MEGF10: variants seen among roughly 807,000 people sequenced by gnomAD.
The protein encoded by MEGF10 is multiple EGF like domains 10.
In MEGF10, 86 loss-of-function variants were observed where a neutral mutation model predicts 147.5. The ratio of observed to expected loss-of-function variants is 0.58; its 90% CI spans 0.49 to 0.70. The LOEUF is 0.70. MEGF10 is among the 30% of genes least tolerant of loss of function. MEGF10 has a pLI of 0.00. For missense variants in MEGF10, 1,329 were observed against 1,487.3 expected (o/e 0.89, Z 1.75); for synonymous variants, 478 against 525.5 (o/e 0.91, Z 1.24).
chr5:127,342,365 T>A (rs1561582065), intron 4 of MEGF10, among the ~76,000 whole-genome samples: 1 of 152,158 alleles, frequency 6.6e-6, no homozygotes, highest in Admixed American at 6.6e-5. Flanking sequence ...TACTTCTGTC[T>A]CCCAGCACAC....
intron 5 of MEGF10, among the ~76,000 whole-genome samples, chr5:127,388,789 C>G (rs1397742110): frequency 6.6e-6 from 1 of 152,262 alleles, no homozygotes; most frequent in East Asian, 1.9e-4. Context: ...TCGTGATCCA[C>G]CCGCCTCAGC....
At chr5:127,444,857 T>A (rs1316894603) in intron 19 of MEGF10, 1 of 152,908 alleles carries the variant, frequency 6.5e-6, no homozygotes, top group Non-Finnish European at 1.5e-5. Context: ...GGTGTTATGC[T>A]TGCTTGGAAG....
the MEGF10 span, among the ~76,000 whole-genome samples, chr5:127,272,457 C>T: frequency 1.3e-5 from 2 of 152,116 alleles, no homozygotes; most frequent in Non-Finnish European, 2.9e-5. Flanking sequence ...TTTTCCAATT[C>T]TGTGAAGAAT....
the MEGF10 span, among the ~76,000 whole-genome samples, chr5:127,276,586 A>G: frequency 6.6e-6 from 1 of 152,224 alleles, no homozygotes; most frequent in South Asian, 2.1e-4. Flanking sequence ...TTTCCTACTT[A>G]GGAAAGATAA....
intron 2 of MEGF10, among the ~76,000 whole-genome samples, chr5:127,331,674 C>A (rs779961777): frequency 2.6e-5 from 4 of 152,070 alleles, no homozygotes; most frequent in Non-Finnish European, 1.5e-5. Flanking sequence ...TCAGGGAAGA[C>A]ATTAATAGCA....
rs553578500 is a variant in MEGF10 at position 127,447,457 on chromosome 5, G to T, written c.2729-100G>T. The T allele has an allele frequency of 3.9e-6, 6 of 1,527,888 alleles. No homozygotes were observed. The East Asian group carries it at 1.4e-4, about 35-fold the overall frequency. 94.6% of individuals were successfully genotyped at this position (1,527,888 alleles called of 1,614,324 possible). On this transcript the variant is annotated intron_variant, in intron 20 of 24. Coordinates refer to ENST00000503335, the MANE Select transcript of MEGF10 (RefSeq NM_001256545.2). Reference sequence around the variant, plus strand: ...CTCCCAAAGTGCTGGGATTACAGGCGTGAGCCACCTCGCTGGGCCTGTTTT... The same window carrying T: ...CTCCCAAAGTGCTGGGATTACAGGCTTGAGCCACCTCGCTGGGCCTGTTTT...
chr5:127,344,699 C>T (rs1382382741), intron 4 of MEGF10, among the ~76,000 whole-genome samples: 3 of 151,854 alleles, frequency 2.0e-5, no homozygotes, highest in African/African-American at 7.3e-5. Flanking sequence ...TGTTCAATTC[C>T]ATCTCTCTTT....
upstream of MEGF10, among the ~76,000 whole-genome samples, chr5:127,288,775 T>C (rs1759110423): frequency 6.6e-6 from 1 of 152,236 alleles, no homozygotes; most frequent in South Asian, 2.1e-4. Flanking sequence ...TTGTTAAAGA[T>C]TGTTCCTAGC....
At chr5:127,424,485 G>A (rs1765143234) in intron 13 of MEGF10, 4 of 1,414,164 alleles carry the variant, frequency 2.8e-6, no homozygotes, top group African/African-American at 1.4e-5. Flanking sequence ...ACAATATGAA[G>A]TCTTCAGATT....
the MEGF10 span, among the ~76,000 whole-genome samples, chr5:127,236,121 C>T: frequency 6.6e-4 from 101 of 152,058 alleles, no homozygotes; most frequent in African/African-American, 2.0e-3. Context: ...TACAGGCACG[C>T]GCCACCATGC....
At chr5:127,424,531 A>G in intron 13 of MEGF10, 1 of 1,427,296 alleles carries the variant, frequency 7.0e-7, no homozygotes, top group Non-Finnish European at 9.1e-7. Context: ...CCTCTTCAGT[A>G]GTGTCTCTCA....
rs534266404 is a variant in MEGF10 at position 127,450,412 on chromosome 5, G to A, written c.2980+1190G>A. On this transcript the variant is annotated intron_variant, in intron 22 of 24. Transcript: ENST00000503335. ...GGCCTCCTGAAAAGGGGGCAGGAAT[G>A]CTTGGTCCATACTTAAAGAACTTCT... Among the ~76,000 whole-genome samples, 5 of 152,282 alleles carry A rather than the reference G, an allele frequency of 3.3e-5. No individual in the cohort carries two copies. The South Asian group carries it at 1.0e-3, about 32-fold the overall frequency.
At chr5:127,266,524 T>C in the MEGF10 span, among the ~76,000 whole-genome samples, 1 of 152,344 alleles carries the variant, frequency 6.6e-6, no homozygotes, top group East Asian at 1.9e-4. Flanking sequence ...TATGGCCATT[T>C]TCACAATATT....
At chr5:127,268,792 C>T in the MEGF10 span, among the ~76,000 whole-genome samples, 2 of 152,370 alleles carry the variant, frequency 1.3e-5, no homozygotes, top group Non-Finnish European at 2.9e-5. Flanking sequence ...ACTGCCTCCT[C>T]AGGTGGGTCC....
At chr5:127,336,027 G>A (rs891024939) in intron 2 of MEGF10, among the ~76,000 whole-genome samples, 5 of 103,152 alleles carry the variant, frequency 4.8e-5, no homozygotes, top group Admixed American at 1.0e-4. Flanking sequence ...GTTTCTGACC[G>A]ATGATAATTA....
At chr5:127,417,978 G>A (rs555431916) in intron 10 of MEGF10, among the ~76,000 whole-genome samples, 166 bp downstream of exon 10, 3 of 152,206 alleles carry the variant, frequency 2.0e-5, no homozygotes, top group African/African-American at 7.2e-5. Context: ...GAGATATAAG[G>A]AATTACCTTA....
chr5:127,283,201 C>G, the MEGF10 span, among the ~76,000 whole-genome samples: 1 of 152,218 alleles, frequency 6.6e-6, no homozygotes, highest in South Asian at 2.1e-4. Context: ...CCCCCTGATA[C>G]TTACATCATT....
Position 127,447,586 on chromosome 5 carries a change from G to A in MEGF10, c.2758G>A (p.Ala920Thr), listed in dbSNP as rs756451956. 10 of 1,613,932 alleles carry A rather than the reference G, an allele frequency of 6.2e-6. No individual in the cohort carries two copies. The highest frequency in any genetic ancestry group is 1.3e-5 in the African/African-American group (1 of 74,880). ...CCTTCCTCACAGCAATGGTGGAAAC[G>A]CTAATAGCCACTACTTCACCAATCC... ...GTLPHSNGGN[A>T]NSHYFTNPSY... Residue 920 changes from alanine (A) to threonine (T), a missense_variant, in exon 21 of 25, where the codon GCT becomes ACT. Ala to Thr is a moderately conservative substitution (Grantham distance 58). Coordinates refer to ENST00000503335, the MANE Select transcript of MEGF10 (RefSeq NM_001256545.2).
intron 24 of MEGF10, 136 bp downstream of exon 24, chr5:127,455,743 T>G (rs1766340672): frequency 1.4e-6 from 1 of 721,044 alleles, no homozygotes; most frequent in African/African-American, 1.9e-5. Context: ...TTATTTTATT[T>G]TATTTTATGT....
Sources: gnomAD v4.1 joint callset for allele counts (sites outside exome capture counted in the v4.1 genomes callset) on GRCh38, gnomAD v4.1.1 for gene constraint, MANE v1.5 for transcripts, NCBI Gene and HGNC (gene_info 2026-07-23, HGNC 2026-07-21) for gene names.